The following NSG2 variants were observed in gnomAD, a reference collection of about 807,000 sequenced individuals.
The protein encoded by NSG2 is neuronal vesicle trafficking-associated protein 2.
Under a neutral mutation model 16.9 loss-of-function variants are expected in NSG2, and 4 were observed. The observed-to-expected ratio is 0.24, with a 90% CI of 0.12 to 0.54. NSG2 has a LOEUF of 0.54. NSG2 is among the 20% of genes least tolerant of loss of function. The pLI, the probability that NSG2 is intolerant of heterozygous loss-of-function variation, is 0.95. For missense variants in NSG2, 179 were observed against 221.1 expected (o/e 0.81, Z 1.21); for synonymous variants, 98 against 88.7 (o/e 1.11, Z -0.59).
chr5:174,087,438 A>G (rs1760645735), intron 3 of NSG2, among the ~76,000 whole-genome samples: 1 of 152,192 alleles, frequency 6.6e-6, no homozygotes. Flanking sequence ...TGTATAAAAC[A>G]GGAAAAATGA....
intron 2 of NSG2, among the ~76,000 whole-genome samples, chr5:174,063,625 G>T (rs540920181): frequency 1.5e-4 from 22 of 148,160 alleles, no homozygotes; most frequent in African/African-American, 5.5e-4. Context: ...TATATTTTTG[G>T]GGTACAGGAG....
intron 3 of NSG2, among the ~76,000 whole-genome samples, chr5:174,067,221 A>G (rs1168033819): frequency 2.0e-5 from 3 of 152,128 alleles, no homozygotes; most frequent in African/African-American, 7.2e-5. Flanking sequence ...TTCTTTGACA[A>G]CTTTTGGTGA....
In NSG2 at chr5:174,104,244, G is replaced by A; in HGVS notation, c.230G>A (p.Ser77Asn). 1 of 1,614,096 alleles carries A rather than the reference G, an allele frequency of 6.2e-7. No individual in the cohort carries two copies. The highest frequency in any genetic ancestry group is 8.5e-7 in the Non-Finnish European group (1 of 1,179,982). ...IAEFTVTILVSLALAFLACIV... is the reference protein window; with the variant it reads ...IAEFTVTILVNLALAFLACIV... Reference sequence around the variant, plus strand: ...TTCCTCCAGGTCACCATCCTTGTCAGCCTGGCCCTAGCTTTCCTTGCGTGC... The same window carrying A: ...TTCCTCCAGGTCACCATCCTTGTCAACCTGGCCCTAGCTTTCCTTGCGTGC... Residue 77 changes from serine to asparagine, a missense_variant, in exon 4 of 5, where the codon AGC (serine) becomes AAC (asparagine). Ser to Asn is a conservative substitution (Grantham distance 46). Coordinates refer to ENST00000303177, the MANE Select transcript of NSG2 (RefSeq NM_015980.5).
At chr5:174,079,301 A>G (rs954194479) in intron 3 of NSG2, among the ~76,000 whole-genome samples, 5 of 149,956 alleles carry the variant, frequency 3.3e-5, no homozygotes, top group South Asian at 2.1e-4. Context: ...TCTGTCGCCC[A>G]GGCTGGAGTA....
At chr5:174,051,119 G>A (rs1759882088) in intron 2 of NSG2, among the ~76,000 whole-genome samples, 1 of 152,148 alleles carries the variant, frequency 6.6e-6, no homozygotes, top group Non-Finnish European at 1.5e-5. Context: ...TCTCCCTGGG[G>A]GGCAGTTAGC....
chr5:174,086,592 A>G, intron 3 of NSG2: 1 of 152,360 alleles, frequency 6.6e-6, no homozygotes, highest in African/African-American at 2.4e-5. Context: ...TCACCAGGCC[A>G]GGTTGGCTCC....
chr5:174,091,584 T>TG (rs1450923613), intron 3 of NSG2, among the ~76,000 whole-genome samples: 1 of 151,308 alleles, frequency 6.6e-6, no homozygotes, highest in Non-Finnish European at 1.5e-5. Context: ...ACCCTCTAAG[T>TG]GGGAGGCCGT....
At position 174,064,225 on chromosome 5, in the gene NSG2, C is replaced by G. The variant is rs1312048057; in HGVS notation, c.130-7C>G. 1 of 1,601,430 alleles carries G rather than the reference C, an allele frequency of 6.2e-7. No homozygotes were observed. The highest frequency in any genetic ancestry group is 2.2e-5 in the East Asian group (1 of 44,728). On this transcript the variant is annotated splice_polypyrimidine_tract_variant and splice_region_variant and intron_variant, in intron 2 of 4. Transcript: ENST00000303177. ...ATGCATGCTAACACACTGGTTGACT[C>G]TTTCAGGTGATTGTGAAGACAAGAA...
intron 3 of NSG2, among the ~76,000 whole-genome samples, chr5:174,101,120 G>C (rs1760891215): frequency 1.3e-5 from 2 of 152,186 alleles, no homozygotes; most frequent in African/African-American, 4.8e-5. Flanking sequence ...GCGACTATAG[G>C]CAACTCTCTT....
At chr5:174,087,968 G>C (rs1342385011) in intron 3 of NSG2, among the ~76,000 whole-genome samples, 1 of 151,964 alleles carries the variant, frequency 6.6e-6, no homozygotes, top group Admixed American at 6.6e-5. Context: ...CTCTAATTCT[G>C]TCTAATTGAG....
At chr5:174,070,585 G>A (rs1446735952) in intron 3 of NSG2, among the ~76,000 whole-genome samples, 1 of 152,134 alleles carries the variant, frequency 6.6e-6, no homozygotes, top group Non-Finnish European at 1.5e-5. Context: ...GTTGCTGGGA[G>A]ATACAAAAAT....
chr5:174,088,609 G>T (rs1016788012), intron 3 of NSG2, among the ~76,000 whole-genome samples: 11 of 152,308 alleles, frequency 7.2e-5, no homozygotes, highest in African/African-American at 2.6e-4. Flanking sequence ...ATGGGACAGG[G>T]AGAGGAACAA....
intron 3 of NSG2, among the ~76,000 whole-genome samples, chr5:174,092,923 C>G (rs982561148): frequency 1.3e-5 from 2 of 152,138 alleles, no homozygotes; most frequent in African/African-American, 4.8e-5. Context: ...AGAAGCAAGC[C>G]TGTAAAAACA....
chr5:174,057,188 CT>C (rs1340681279), intron 2 of NSG2, among the ~76,000 whole-genome samples: 7 of 152,180 alleles, frequency 4.6e-5, no homozygotes, highest in African/African-American at 1.7e-4. Context: ...TGCCCCTCCC[CT>C]CTCTACTTTT....
At position 174,064,294 on chromosome 5, in the gene NSG2, G is replaced by C; in HGVS notation, c.192G>C (p.Val64=). The change falls in exon 3 of 5, where the codon GTG becomes GTC. Residue 64 remains valine, a synonymous_variant. Coordinates refer to ENST00000303177, the MANE Select transcript of NSG2 (RefSeq NM_015980.5). The part of the protein sequence containing the change: ...PEQKNKGKFR[V]PKIAEFTVTI... ...AGAAGAACAAAGGGAAGTTCCGGGT[G>C]CCGAAAATCGCTGAATTTACGGTCA... 1 of 1,611,404 alleles carries C rather than the reference G, an allele frequency of 6.2e-7. No homozygotes were observed. The highest frequency in any genetic ancestry group is 8.5e-7 in the Non-Finnish European group (1 of 1,178,246).
rs985015756 is a variant in NSG2 at position 174,069,939 on chromosome 5, A to G, written c.213+5624A>G. Among the ~76,000 whole-genome samples the G allele has an allele frequency of 5.4e-5, 8 of 147,232 alleles. No homozygotes were observed. The South Asian group carries it at 1.7e-3, about 32-fold the overall frequency. On this transcript the variant is annotated intron_variant, in intron 3 of 4. Transcript: ENST00000303177. ...GTCACCAAGACTGGAGTGCACTAGC[A>G]TGATCATGGCTCACTGCAGCCTTGA...
At chr5:174,046,975 C>A (rs992801323) in intron 2 of NSG2, 91 bp downstream of exon 2, 53 of 1,335,558 alleles carry the variant, frequency 4.0e-5, no homozygotes, top group Non-Finnish European at 5.4e-5. Flanking sequence ...CAAATCCTTT[C>A]ATTCTCTTAT....
At chr5:174,082,961 C>G (rs1328229362) in intron 3 of NSG2, among the ~76,000 whole-genome samples, 1 of 152,202 alleles carries the variant, frequency 6.6e-6, no homozygotes, top group Non-Finnish European at 1.5e-5. Context: ...TCTAGTGCCC[C>G]CAGTAAACTC....
At chr5:174,064,118 T>C (rs1312035960) in intron 2 of NSG2, 114 bp from the exon 3 acceptor site, 1 of 662,876 alleles carries the variant, frequency 1.5e-6, no homozygotes, top group Non-Finnish European at 2.5e-6. Context: ...TGAAGGGGGG[T>C]TCTTTATTTT....
Sources: allele counts gnomAD v4.1 joint callset (sites outside exome capture counted in the v4.1 genomes callset), GRCh38; gene constraint gnomAD v4.1.1; transcripts MANE v1.5; gene names NCBI Gene and HGNC (gene_info 2026-07-23, HGNC 2026-07-21).